The following ANKRD13C variants were observed in gnomAD, a reference collection of about 807,000 sequenced individuals.
The protein encoded by ANKRD13C is ankyrin repeat domain 13C, also known as ankyrin repeat domain-containing protein 13C.
ANKRD13C carries 16 observed loss-of-function variants against 65.5 expected under a neutral mutation model. That is an observed-to-expected ratio of 0.24 (90% CI 0.17 to 0.37). The LOEUF (loss-of-function observed/expected upper bound fraction) is 0.37, where lower values mean the gene tolerates loss of function less well. Ranked by LOEUF, ANKRD13C falls within the 10% of genes least tolerant of loss-of-function variation. The pLI, the probability that ANKRD13C is intolerant of heterozygous loss-of-function variation, is 1.00. For synonymous variants in ANKRD13C, 235 were observed against 238.7 expected, an observed-to-expected ratio of 0.98 and a Z score of 0.14; for missense variants, 503 against 655.9, an observed-to-expected ratio of 0.77 and a Z score of 2.55.
At chr1:70,287,229 T>C (rs1023613432) in intron 9 of ANKRD13C, among the ~76,000 whole-genome samples, 1 of 152,050 alleles carries the variant, frequency 6.6e-6, no homozygotes, top group Non-Finnish European at 1.5e-5. Context: ...AGATGCACCA[T>C]GTTCATCAAA....
chr1:70,315,555 A>G lies in ANKRD13C; in HGVS notation c.589T>C (p.Leu197=), dbSNP rs1421370509. 5 of 1,603,380 alleles carry G rather than the reference A, an allele frequency of 3.1e-6. No individual in the cohort carries two copies. Among genetic ancestry groups the G allele is most frequent in the Middle Eastern group, 1.7e-4 (1 of 6,004 alleles). ...CTGGATTGCTGCTTAAGCTTCCTCAAAAGAGCTGTAACTAAAGTTTAAATT... is the reference window on the plus strand; with the variant it reads ...CTGGATTGCTGCTTAAGCTTCCTCAGAAGAGCTGTAACTAAAGTTTAAATT... ...YGDRQMITAL[L]RKLKQQSRES... Residue 197 remains leucine (L), a synonymous_variant, in exon 4 of 13, where the codon TTG becomes CTG. Transcript: ENST00000370944.
At chr1:70,315,419 T>A (rs970676406) in intron 4 of ANKRD13C, 62 bp downstream of exon 4, 62 of 1,399,284 alleles carry the variant, frequency 4.4e-5, no homozygotes, top group Non-Finnish European at 6.1e-5. Context: ...AAGAAAAAAA[T>A]GCTTAAAACT....
At chr1:70,348,427 G>A (rs553802681) in intron 1 of ANKRD13C, among the ~76,000 whole-genome samples, 1 of 152,100 alleles carries the variant, frequency 6.6e-6, no homozygotes, top group South Asian at 2.1e-4. Flanking sequence ...GACCATGCCC[G>A]GCTAATGTTT....
At chr1:70,302,739 AAAAAAAAAAAAAAAAAG>A (rs1248447444) in intron 6 of ANKRD13C, among the ~76,000 whole-genome samples, 1 of 108,878 alleles carries the variant, frequency 9.2e-6, no homozygotes, top group African/African-American at 4.0e-5. Context: ...AAAAAAAAAA[AAAAAAAAAAAAAAAAAG>A]AAAATAGTAT....
At chr1:70,282,290 C>T (rs1235165148) in intron 9 of ANKRD13C, among the ~76,000 whole-genome samples, 1 of 151,476 alleles carries the variant, frequency 6.6e-6, no homozygotes, top group East Asian at 2.0e-4. Context: ...CTCCTGACCT[C>T]GTGATTTGCC....
At chr1:70,303,843 T>C (rs745960897) in intron 6 of ANKRD13C, among the ~76,000 whole-genome samples, 12 of 152,222 alleles carry the variant, frequency 7.9e-5, no homozygotes, top group Non-Finnish European at 1.6e-4. Flanking sequence ...CCTTTTGTCA[T>C]ACATCCTAAA....
At chr1:70,323,517 C>G (rs868669439) in intron 3 of ANKRD13C, among the ~76,000 whole-genome samples, 1 of 151,670 alleles carries the variant, frequency 6.6e-6, no homozygotes, top group African/African-American at 2.4e-5. Flanking sequence ...GTGGCAGGCA[C>G]CTGTGATCCC....
intron 1 of ANKRD13C, among the ~76,000 whole-genome samples, chr1:70,338,493 G>A (rs142776678): frequency 4.1e-4 from 62 of 152,214 alleles, no homozygotes; most frequent in Admixed American, 1.0e-3. Flanking sequence ...CTCCGCTCCC[G>A]GGTTCAGGTG....
At position 70,315,406 on chromosome 1, in the gene ANKRD13C, AT is replaced by A. The variant is rs1278300904; in HGVS notation, c.663+74del. The A allele has an allele frequency of 1.1e-4, 142 of 1,284,972 alleles. 1 individual carries two copies. Among genetic ancestry groups the A allele is most frequent in the Middle Eastern group, 4.5e-4 (2 of 4,476 alleles). 79.6% of individuals were successfully genotyped at this position (1,284,972 alleles called of 1,614,324 possible). A position where few individuals can be genotyped will look rare whatever the true frequency, so the allele number is the denominator to read the frequency against. On this transcript the variant is annotated intron_variant, in intron 4 of 12. Coordinates refer to ENST00000370944, the MANE Select transcript of ANKRD13C (RefSeq NM_030816.5). ...CCTAATAAGTGAGAATTTAAGTTGT[AT>A]TAAGAAAAAAATGCTTAAAACTACA...
At position 70,292,449 on chromosome 1, in the gene ANKRD13C, C is replaced by T; in HGVS notation, c.1154G>A (p.Arg385Gln). ...CAAACTCTCCATGATGGCCTTATTT[C>T]GAAGAATATCCTCTTCACTGAGATG... is the stretch of plus-strand genomic sequence containing the variant. The part of the protein sequence containing the change: ...REHLSEEDIL[R>Q]NKAIMESLSK... The change falls in exon 9 of 13, where the codon CGA becomes CAA. Residue 385 changes from arginine (R) to glutamine (Q), a missense_variant. Coordinates refer to ENST00000370944, the MANE Select transcript of ANKRD13C (RefSeq NM_030816.5). 6 of 1,608,840 alleles carry T rather than the reference C, an allele frequency of 3.7e-6. No individual in the cohort carries two copies. The highest frequency in any genetic ancestry group is 1.1e-5 in the South Asian group (1 of 89,728).
intron 2 of ANKRD13C, among the ~76,000 whole-genome samples, chr1:70,334,729 G>A (rs141365781): frequency 7.9e-5 from 12 of 151,896 alleles, no homozygotes; most frequent in East Asian, 5.9e-4. Flanking sequence ...GTTCGAGATC[G>A]GCCTGACCAA....
In ANKRD13C at chr1:70,354,445, T is replaced by A; in HGVS notation, c.-37A>T. On this transcript the variant is annotated 5_prime_UTR_variant, in exon 1 of 13. Transcript: ENST00000370944. ...GGGGCAAGGGGGGGAATCGGGAGGC[T>A]CACCGCTGGCGACGGAGCTGGCGCT... The A allele has an allele frequency of 3.8e-6, 6 of 1,584,284 alleles. No individual in the cohort carries two copies. Among genetic ancestry groups the A allele is most frequent in the Non-Finnish European group, 5.1e-6 (6 of 1,165,764 alleles).
At chr1:70,335,896 GA>G (rs1325584065) in intron 2 of ANKRD13C, among the ~76,000 whole-genome samples, 161 bp downstream of exon 2, 5 of 151,296 alleles carry the variant, frequency 3.3e-5, no homozygotes, top group Admixed American at 2.6e-4. Flanking sequence ...AAGGGCCATG[GA>G]AAACAAGAAA....
intron 8 of ANKRD13C, among the ~76,000 whole-genome samples, chr1:70,295,222 T>G (rs1680028746): frequency 6.6e-6 from 1 of 152,042 alleles, no homozygotes; most frequent in African/African-American, 2.4e-5. Context: ...TTCATACAGC[T>G]CATTCAATTT....
chr1:70,264,893 T>C (rs1285563916), intron 12 of ANKRD13C, among the ~76,000 whole-genome samples: 1 of 152,036 alleles, frequency 6.6e-6, no homozygotes, highest in African/African-American at 2.4e-5. Context: ...GACTTTTCAG[T>C]AAAGACCTGA....
intron 5 of ANKRD13C, among the ~76,000 whole-genome samples, chr1:70,312,037 G>C (rs1263655420): frequency 6.6e-6 from 1 of 152,148 alleles, no homozygotes; most frequent in African/African-American, 2.4e-5. Flanking sequence ...ATACAGTAGA[G>C]AGAAATAAGT....
At chr1:70,265,211 T>C (rs1678562590) in intron 12 of ANKRD13C, among the ~76,000 whole-genome samples, 1 of 151,912 alleles carries the variant, frequency 6.6e-6, no homozygotes, top group African/African-American at 2.4e-5. Flanking sequence ...AGTGAGAATA[T>C]AATACAAGGT....
intron 1 of ANKRD13C, among the ~76,000 whole-genome samples, chr1:70,348,770 T>C (rs1682632744): frequency 6.6e-6 from 1 of 152,176 alleles, no homozygotes; most frequent in Non-Finnish European, 1.5e-5. Flanking sequence ...TTCAAGAACA[T>C]ATTACAATGA....
intron 5 of ANKRD13C, among the ~76,000 whole-genome samples, chr1:70,309,673 C>T (rs1308556452): frequency 2.7e-5 from 4 of 147,174 alleles, no homozygotes; most frequent in Non-Finnish European, 4.5e-5. Context: ...TTGCAGTGAG[C>T]CGAGATCGCG....
Sources: gnomAD v4.1 joint callset for allele counts (sites outside exome capture counted in the v4.1 genomes callset) on GRCh38, gnomAD v4.1.1 for gene constraint, MANE v1.5 for transcripts, NCBI Gene and HGNC (gene_info 2026-07-23, HGNC 2026-07-21) for gene names.